The following ZNF469 variants were observed in gnomAD, a reference collection of about 807,000 sequenced individuals.
ZNF469 encodes zinc finger protein 469.
A neutral mutation model predicts 1.0 loss-of-function variants in ZNF469; 1 was observed. The observed-to-expected ratio is 1.00, with a 90% CI of 0.35 to 4.73. The LOEUF (loss-of-function observed/expected upper bound fraction) is 4.73. Among genes scored for constraint, ZNF469 ranks in the 30% most tolerant of loss-of-function variants. ZNF469 has a pLI of 0.16. For missense variants in ZNF469, 6,100 were observed against 5,356.3 expected, an observed-to-expected ratio of 1.14 and a Z score of -4.33; for synonymous variants, 2,703 against 2,363.4, an observed-to-expected ratio of 1.14 and a Z score of -4.17.
the ZNF469 span, among the ~76,000 whole-genome samples, chr16:88,287,058 CA>C: frequency 6.6e-6 from 1 of 152,186 alleles, no homozygotes; most frequent in Non-Finnish European, 1.5e-5. Context: ...TGTCCCCAAA[CA>C]CTAGATTTTT....
chr16:88,138,422 C>T, the ZNF469 span, among the ~76,000 whole-genome samples: 1 of 152,198 alleles, frequency 6.6e-6, no homozygotes, highest in Admixed American at 6.5e-5. Context: ...AGAGTCCTAG[C>T]CCCAGCTTCC....
chr16:88,111,084 C>A, the ZNF469 span, among the ~76,000 whole-genome samples: 1 of 152,186 alleles, frequency 6.6e-6, no homozygotes, highest in Non-Finnish European at 1.5e-5. Flanking sequence ...TGGGCCGGTG[C>A]GACTTCCCAA....
chr16:88,427,311 C>T (rs977238666), intron 2 of ZNF469, among the ~76,000 whole-genome samples, 34 bp from the exon 3 acceptor site: 6 of 152,186 alleles, frequency 3.9e-5, no homozygotes, highest in Non-Finnish European at 8.8e-5. Context: ...CACCCAGCCC[C>T]TCTGCCCCAC....
intron 1 of ZNF469, among the ~76,000 whole-genome samples, chr16:88,411,669 G>A (rs1019713474): frequency 6.6e-6 from 1 of 152,148 alleles, no homozygotes; most frequent in African/African-American, 2.4e-5. Flanking sequence ...TTCTGGGCAG[G>A]AGACGGCGGT....
At chr16:88,337,522 G>A in the ZNF469 span, among the ~76,000 whole-genome samples, 30 of 152,212 alleles carry the variant, frequency 2.0e-4, no homozygotes, top group South Asian at 4.1e-4. Flanking sequence ...TTGCACGGAC[G>A]TGTTTTCAAT....
chr16:88,290,316 A>T, the ZNF469 span, among the ~76,000 whole-genome samples: 1 of 152,226 alleles, frequency 6.6e-6, no homozygotes, highest in Admixed American at 6.5e-5. Flanking sequence ...TCACTTCCTC[A>T]TAAGCTGCCT....
chr16:88,434,524 C>A lies in ZNF469; in HGVS notation c.7054C>A (p.Pro2352Thr). ...GQAVTAVPTE[P>T]PTLQGAGPDS... ...GGCTGTCACAGCTGTGCCCACTGAG[C>A]CTCCCACGCTACAGGGTGCAGGGCC... The change falls in exon 3 of 3, where the codon CCT becomes ACT. Residue 2352 changes from proline (P) to threonine (T), a missense_variant. Transcript: ENST00000565624. 1.9e-6 allele frequency: 3 copies of A among 1,550,310 alleles called. No homozygotes were observed. The highest frequency in any genetic ancestry group is 2.6e-6 in the Non-Finnish European group (3 of 1,146,972).
the ZNF469 span, among the ~76,000 whole-genome samples, chr16:88,293,256 G>A: frequency 2.0e-5 from 3 of 151,844 alleles, no homozygotes; most frequent in African/African-American, 7.3e-5. Context: ...ATGGGTAGAT[G>A]GACAGGAAGA....
the ZNF469 span, among the ~76,000 whole-genome samples, chr16:88,311,488 G>A: frequency 1.8e-4 from 28 of 152,208 alleles, no homozygotes; most frequent in Admixed American, 1.8e-3. Flanking sequence ...GATTGGAGAA[G>A]CAGAGAAAAT....
chr16:88,258,472 G>A, the ZNF469 span, among the ~76,000 whole-genome samples: 4 of 144,496 alleles, frequency 2.8e-5, no homozygotes, highest in Non-Finnish European at 4.5e-5. Flanking sequence ...CCAGGGATAG[G>A]GGCCCTGGAG....
At chr16:88,212,934 C>G in the ZNF469 span, among the ~76,000 whole-genome samples, 1 of 152,136 alleles carries the variant, frequency 6.6e-6, no homozygotes, top group South Asian at 2.1e-4. Context: ...ATTTTTTGGT[C>G]CATCTATGTC....
the ZNF469 span, chr16:88,302,525 C>A: frequency 2.2e-4 from 33 of 152,290 alleles, no homozygotes; most frequent in African/African-American, 7.7e-4. Context: ...GGCCACCTCC[C>A]TGGGCTCACA....
At chr16:88,313,052 C>T in the ZNF469 span, among the ~76,000 whole-genome samples, 2 of 152,214 alleles carry the variant, frequency 1.3e-5, no homozygotes, top group Non-Finnish European at 2.9e-5. Flanking sequence ...ATTATCGTGG[C>T]TCCTGGTCAG....
In ZNF469 at chr16:88,430,617, G is replaced by T; in HGVS notation, c.3147G>T (p.Glu1049Asp). 6.7e-7 allele frequency: 1 copy of T among 1,502,282 alleles called. No homozygotes were observed. Among genetic ancestry groups the T allele is most frequent in the South Asian group, 1.2e-5 (1 of 80,582 alleles). The allele number at this position is 1,502,282 out of a possible 1,614,324, so 93.1% of individuals were successfully genotyped here. ...CTCGGGGCGGCGCCTGGGGCAAGGA[G>T]CTCATTCTGAAGATCGTGCAGCAGA... ...RKARGGAWGK[E>D]LILKIVQQKN... The change falls in exon 3 of 3, where the codon GAG (glutamate) becomes GAT (aspartate). Residue 1049 changes from glutamate to aspartate, a missense_variant. Physicochemically the swap from Glu to Asp is conservative, Grantham distance 45 (BLOSUM62 2). Coordinates refer to ENST00000565624, the MANE Select transcript of ZNF469 (RefSeq NM_001367624.2).
Position 88,428,887 on chromosome 16 carries a change from C to T in ZNF469, c.1417C>T (p.Arg473Trp), listed in dbSNP as rs969357442. Residue 473 changes from arginine to tryptophan, a missense_variant, in exon 3 of 3, where the codon CGG becomes TGG. By Grantham distance (101) the Arg-to-Trp change is moderately radical (BLOSUM62 -3). Transcript: ENST00000565624. ...FFNGQPSPGQ[R>W]LCLPQSAPLP... ...TAACGGCCAGCCCAGCCCAGGCCAG[C>T]GGCTCTGCCTCCCCCAGAGTGCCCC... 1.9e-6 allele frequency: 3 copies of T among 1,547,644 alleles called. No individual in the cohort carries two copies. The highest frequency in any genetic ancestry group is 1.7e-4 in the Middle Eastern group (1 of 6,002).
At chr16:88,136,209 G>A in the ZNF469 span, among the ~76,000 whole-genome samples, 1 of 152,182 alleles carries the variant, frequency 6.6e-6, no homozygotes, top group Non-Finnish European at 1.5e-5. Context: ...CCTCTGCGTG[G>A]GGGAGGCTGT....
chr16:88,297,770 G>A, the ZNF469 span, among the ~76,000 whole-genome samples: 2 of 152,282 alleles, frequency 1.3e-5, no homozygotes, highest in East Asian at 1.9e-4. Flanking sequence ...GGATCATCTC[G>A]TCTCCAGAAC....
chr16:88,417,222 G>A (rs754476191), intron 1 of ZNF469, among the ~76,000 whole-genome samples: 15 of 138,548 alleles, frequency 1.1e-4, no homozygotes, highest in Non-Finnish European at 1.6e-4. Flanking sequence ...CCCAGGCTCC[G>A]CCACTGTGTG....
chr16:88,408,853 A>C (rs1905076716), intron 1 of ZNF469, among the ~76,000 whole-genome samples: 1 of 152,168 alleles, frequency 6.6e-6, no homozygotes, highest in Non-Finnish European at 1.5e-5. Context: ...CCCCTGGCAG[A>C]TATCCCTCTT....
Sources: allele counts gnomAD v4.1 joint callset (sites outside exome capture counted in the v4.1 genomes callset), GRCh38; gene constraint gnomAD v4.1.1; transcripts MANE v1.5; gene names NCBI Gene and HGNC (gene_info 2026-07-23, HGNC 2026-07-21).